LCP1: variants seen among roughly 807,000 people sequenced by gnomAD.
The protein encoded by LCP1 is plastin-2.
In LCP1, 23 loss-of-function variants were observed where a neutral mutation model predicts 72.0. The observed-to-expected ratio is 0.32, with a 90% CI of 0.23 to 0.45. LCP1 has a LOEUF of 0.45. LCP1 is among the 20% of genes least tolerant of loss of function. The pLI, the probability that LCP1 is intolerant of heterozygous loss-of-function variation, is 1.00. For missense variants in LCP1, 571 were observed against 748.3 expected, an observed-to-expected ratio of 0.76 and a Z score of 2.76; for synonymous variants, 245 against 275.4, an observed-to-expected ratio of 0.89 and a Z score of 1.09.
intron 13 of LCP1, among the ~76,000 whole-genome samples, chr13:46,136,987 C>T (rs1347627414): frequency 2.0e-5 from 3 of 152,128 alleles, no homozygotes. Context: ...GGAAGCCCAC[C>T]TTTATACTAA....
rs141184605 is a variant in LCP1, at chr13:46,142,381, C to T, written c.1413G>A (p.Ala471=). 3.6e-5 allele frequency: 58 copies of T among 1,613,824 alleles called. No individual in the cohort carries two copies. The highest frequency in any genetic ancestry group is 1.6e-4 in the Middle Eastern group (1 of 6,082). The change falls in exon 13 of 16, where the codon GCG becomes GCA. Residue 471 remains alanine, a synonymous_variant. Transcript: ENST00000323076. The part of the protein sequence containing the change: ...NYAVELGKNQ[A]KFSLVGIGGQ... ...CACCGATGCCAACCAGGGAGAACTT[C>T]GCTTGATTCTTCCCCAATTCTACCG... is the stretch of plus-strand genomic sequence containing the variant.
intron 13 of LCP1, among the ~76,000 whole-genome samples, chr13:46,135,769 A>G (rs1299998376): frequency 2.4e-5 from 3 of 124,984 alleles, no homozygotes; most frequent in Admixed American, 9.0e-5. Context: ...TTTTTAAGAG[A>G]TGGGGTCTCA....
intron 7 of LCP1, among the ~76,000 whole-genome samples, chr13:46,151,875 C>T (rs955055604): frequency 6.6e-6 from 1 of 152,208 alleles, no homozygotes; most frequent in South Asian, 2.1e-4. Flanking sequence ...TGATACTTAT[C>T]AAGGTGGGCT....
intron 8 of LCP1, among the ~76,000 whole-genome samples, chr13:46,150,734 T>C (rs1453725151): frequency 6.6e-6 from 1 of 152,150 alleles, no homozygotes; most frequent in African/African-American, 2.4e-5. Context: ...GACACTGCAC[T>C]AGGACTCTGG....
Position 46,134,180 on chromosome 13 carries a change from C to G in LCP1, c.1573G>C (p.Val525Leu). The change falls in exon 14 of 16, where the codon GTG (valine) becomes CTG (leucine). Residue 525 changes from valine to leucine, a missense_variant. Physicochemically the swap from Val to Leu is conservative, Grantham distance 32. Coordinates refer to ENST00000323076, the MANE Select transcript of LCP1 (RefSeq NM_002298.5). ...KVNDDIIVNW[V>L]NETLREAKKS... ...TTTGCTTCCCTCAATGTTTCATTCA[C>G]CCAGTTGACAATAATGTCATCATTG... 3 of 1,613,214 alleles carry G rather than the reference C, an allele frequency of 1.9e-6. No individual in the cohort carries two copies. Among genetic ancestry groups the G allele is most frequent in the Non-Finnish European group, 2.5e-6 (3 of 1,179,266 alleles).
chr13:46,157,741 C>CTTTTTTTTTTTTTTTTTTTTT, intron 4 of LCP1, among the ~76,000 whole-genome samples: 1 of 99,790 alleles, frequency 1.0e-5, no homozygotes, highest in Non-Finnish European at 2.0e-5. Context: ...CATGACTTAT[C>CTTTTTTTTTTTTTTTTTTTTT]TTTTTTTTTT....
intron 15 of LCP1, 106 bp from the exon 16 acceptor site, chr13:46,127,829 A>C: frequency 1.5e-6 from 2 of 1,337,166 alleles, no homozygotes; most frequent in Non-Finnish European, 2.1e-6. Context: ...GACAGAACTC[A>C]CTCCTGCAGT....
chr13:46,158,398 G>A (rs1281994453), intron 4 of LCP1, 124 bp downstream of exon 4: 1 of 1,084,670 alleles, frequency 9.2e-7, no homozygotes, highest in Non-Finnish European at 1.3e-6. Flanking sequence ...TTAGTCACAG[G>A]AAAATTGGGA....
At chr13:46,157,326 T>G (rs889136055) in intron 4 of LCP1, among the ~76,000 whole-genome samples, 1 of 152,184 alleles carries the variant, frequency 6.6e-6, no homozygotes, top group African/African-American at 2.4e-5. Context: ...GATTCCGCTT[T>G]TAGCTCTGCT....
chr13:46,156,765 C>T (rs1456721264), intron 4 of LCP1, among the ~76,000 whole-genome samples, 195 bp from the exon 5 acceptor site: 1 of 152,034 alleles, frequency 6.6e-6, no homozygotes, highest in Non-Finnish European at 1.5e-5. Context: ...TCTGTGTACT[C>T]CAAGTCATAA....
chr13:46,128,616 A>G (rs1335405938), intron 15 of LCP1, among the ~76,000 whole-genome samples: 1 of 152,036 alleles, frequency 6.6e-6, no homozygotes, highest in Admixed American at 6.5e-5. Flanking sequence ...AAAAAATCCT[A>G]GCCTTACACA....
intron 4 of LCP1, among the ~76,000 whole-genome samples, chr13:46,158,012 C>A (rs1380692390): frequency 6.6e-6 from 1 of 152,164 alleles, no homozygotes; most frequent in South Asian, 2.1e-4. Context: ...CACGCGTGAG[C>A]CACTGTGCCC....
rs750359285 is a variant in LCP1 at position 46,143,390 on chromosome 13, G to T, written c.1268C>A (p.Ala423Asp). 3.7e-6 allele frequency: 6 copies of T among 1,612,156 alleles called. No individual in the cohort carries two copies. In the South Asian group the frequency reaches 6.6e-5, roughly 18 times the overall value. ...VNHLYSDLSD[A>D]LVIFQLYEKI... ...TTCATAGAGCTGGAAGATGACCAGG[G>T]CATCTGATAAGTCACTGAACAAAAC... Residue 423 changes from alanine to aspartate, a missense_variant, in exon 12 of 16, where the codon GCC (alanine) becomes GAC (aspartate). Transcript: ENST00000323076.
At chr13:46,177,497 G>A (rs1306804854) in intron 1 of LCP1, among the ~76,000 whole-genome samples, 2 of 152,010 alleles carry the variant, frequency 1.3e-5, no homozygotes, top group African/African-American at 2.4e-5. Flanking sequence ...AAAATTAGCC[G>A]GGCGTGGTGG....
chr13:46,159,058 G>T, intron 2 of LCP1, 69 bp from the exon 3 acceptor site: 2 of 1,441,236 alleles, frequency 1.4e-6, no homozygotes, highest in Non-Finnish European at 1.9e-6. Flanking sequence ...GGTGAGGGAA[G>T]ACTAGATGGA....
At chr13:46,150,390 A>G (rs576592271) in intron 8 of LCP1, among the ~76,000 whole-genome samples, 2 of 152,274 alleles carry the variant, frequency 1.3e-5, no homozygotes, top group African/African-American at 2.4e-5. Context: ...CCTTTCCCCT[A>G]TGGACCTCTT....
At chr13:46,162,636 A>G (rs191698509) in intron 1 of LCP1, among the ~76,000 whole-genome samples, 2,064 of 152,026 alleles carry the variant, frequency 0.014, 56 homozygotes, top group African/African-American at 0.047. Context: ...CAGTGGCGTG[A>G]TCTCGGCTAG....
chr13:46,162,456 G>T (rs9595424), intron 1 of LCP1, among the ~76,000 whole-genome samples: 2 of 151,756 alleles, frequency 1.3e-5, no homozygotes, highest in South Asian at 4.2e-4. Context: ...CGCGCCTCCA[G>T]GCCTGACTCG....
chr13:46,170,310 C>G (rs761887582), intron 1 of LCP1, among the ~76,000 whole-genome samples: 40 of 152,240 alleles, frequency 2.6e-4, no homozygotes, highest in Non-Finnish European at 4.9e-4. Flanking sequence ...GCTGCTGGCC[C>G]GAGGTAGTCT....
Sources: allele counts gnomAD v4.1 joint callset (sites outside exome capture counted in the v4.1 genomes callset), GRCh38; gene constraint gnomAD v4.1.1; transcripts MANE v1.5; gene names NCBI Gene and HGNC (gene_info 2026-07-23, HGNC 2026-07-21).